The following AOPEP variants were observed in gnomAD, a reference collection of about 807,000 sequenced individuals.
The protein encoded by AOPEP is aminopeptidase O.
In AOPEP, 77 loss-of-function variants were observed where a neutral mutation model predicts 98.1. That is an observed-to-expected ratio of 0.78 (90% CI 0.65 to 0.95). The LOEUF (loss-of-function observed/expected upper bound fraction) is 0.95, where lower values mean the gene tolerates loss of function less well. AOPEP is among the 40% of genes least tolerant of loss of function. The pLI is 0.00. For missense variants in AOPEP, 1,024 were observed against 1,024.7 expected (o/e 1.00, Z 0.01); for synonymous variants, 346 against 365.3 (o/e 0.95, Z 0.60).
chr9:94,757,274 G>A (rs149321225), intron 1 of AOPEP, among the ~76,000 whole-genome samples: 16 of 152,342 alleles, frequency 1.1e-4, no homozygotes, highest in African/African-American at 3.8e-4. Context: ...GAATGAGTCA[G>A]CAAGCTTGGA....
At chr9:94,818,798 T>C (rs532892624) in intron 5 of AOPEP, among the ~76,000 whole-genome samples, 223 of 152,184 alleles carry the variant, frequency 1.5e-3, no homozygotes, top group African/African-American at 4.7e-3. Context: ...ATCGAGACCA[T>C]CCTGGCTAAC....
the AOPEP span, among the ~76,000 whole-genome samples, chr9:95,105,732 A>G: frequency 4.6e-5 from 7 of 152,148 alleles, no homozygotes; most frequent in Non-Finnish European, 8.8e-5. Context: ...TGACTCATAC[A>G]ACATCCTCGT....
At chr9:94,993,515 A>G (rs564564111) in intron 11 of AOPEP, among the ~76,000 whole-genome samples, 36 of 152,240 alleles carry the variant, frequency 2.4e-4, no homozygotes, top group Non-Finnish European at 4.8e-4. Flanking sequence ...ACGTTGCAGT[A>G]TTTCTTATAT....
At chr9:94,819,506 A>C (rs567026600) in intron 5 of AOPEP, among the ~76,000 whole-genome samples, 1 of 152,272 alleles carries the variant, frequency 6.6e-6, no homozygotes, top group East Asian at 1.9e-4. Context: ...GTAAATAGTA[A>C]CTGTGTGTCT....
chr9:95,041,380 TGTG>T lies in AOPEP; in HGVS notation c.2116-19311_2116-19309del, dbSNP rs199581796. On this transcript the variant is annotated intron_variant, in intron 13 of 16. Transcript: ENST00000375315. ...AGATTTAAAAAAAAAAAATCATCCT[TGTG>T]GTAATTTGAAATTGTGATATTGCCA... is the stretch of plus-strand genomic sequence containing the variant. 3.5e-3 allele frequency among the ~76,000 whole-genome samples: 533 copies of T among 151,702 alleles called. 15 individuals carry two copies. In the East Asian group the frequency reaches 0.051, roughly 14 times the overall value.
chr9:95,004,342 T>A, intron 11 of AOPEP: 2 of 455,002 alleles, frequency 4.4e-6, no homozygotes, highest in South Asian at 3.1e-5. Flanking sequence ...TCTTTTTAAA[T>A]TCTACCCAGT....
chr9:94,747,254 A>G (rs1834716821), intron 1 of AOPEP, among the ~76,000 whole-genome samples: 1 of 152,210 alleles, frequency 6.6e-6, no homozygotes. Flanking sequence ...ACATGTGGTA[A>G]TCCTGCAAAG....
At chr9:94,796,275 T>A (rs1588257529) in intron 4 of AOPEP, among the ~76,000 whole-genome samples, 1 of 152,350 alleles carries the variant, frequency 6.6e-6, no homozygotes, top group Non-Finnish European at 1.5e-5. Context: ...TTTCCCTTCC[T>A]TTATCAATAT....
intron 5 of AOPEP, among the ~76,000 whole-genome samples, chr9:94,806,189 C>A (rs967771342): frequency 6.6e-6 from 1 of 152,186 alleles, no homozygotes; most frequent in Non-Finnish European, 1.5e-5. Context: ...TTTGAATTCA[C>A]CATGGCTGCC....
chr9:95,102,578 G>T, the AOPEP span, among the ~76,000 whole-genome samples: 1 of 152,352 alleles, frequency 6.6e-6, no homozygotes, highest in South Asian at 2.1e-4. Flanking sequence ...GTGTGTGTCA[G>T]TTTATACAGA....
intron 11 of AOPEP, among the ~76,000 whole-genome samples, chr9:94,985,294 C>T (rs542870015): frequency 2.7e-4 from 41 of 152,350 alleles, no homozygotes; most frequent in African/African-American, 8.9e-4. Flanking sequence ...CACTTCTTTC[C>T]GAGCAAACAC....
intron 16 of AOPEP, chr9:95,085,624 C>T (rs889038066): frequency 4.9e-5 from 19 of 386,998 alleles, no homozygotes; most frequent in African/African-American, 3.4e-4. Flanking sequence ...AGCTTGGGTG[C>T]GGAGCGCGAT....
rs1482895765 is a variant in AOPEP, at chr9:95,033,208, C to T, written c.2116-27486C>T. 2.5e-4 allele frequency among the ~76,000 whole-genome samples: 38 copies of T among 152,102 alleles called. 1 individual carries two copies. The highest frequency in any genetic ancestry group is 1.5e-5 in the Non-Finnish European group (1 of 68,030). On this transcript the variant is annotated intron_variant, in intron 13 of 16. Transcript: ENST00000375315. ...ATATAAGTCCGCTGTGTCCTCATTT[C>T]ACCTCTTCTTTTGTTCTACGCCTTT...
At chr9:94,727,624 C>G (rs1344663209) in intron 1 of AOPEP, among the ~76,000 whole-genome samples, 1 of 152,208 alleles carries the variant, frequency 6.6e-6, no homozygotes, top group Non-Finnish European at 1.5e-5. Context: ...AAGCAGAATT[C>G]TGAAATCCTT....
chr9:94,905,080 TA>T (rs1428007370), intron 5 of AOPEP, among the ~76,000 whole-genome samples: 1 of 152,222 alleles, frequency 6.6e-6, no homozygotes, highest in Non-Finnish European at 1.5e-5. Flanking sequence ...TGAGAATTGA[TA>T]AAAGCATCTT....
At chr9:94,802,671 C>T (rs907120066) in intron 5 of AOPEP, among the ~76,000 whole-genome samples, 4 of 152,176 alleles carry the variant, frequency 2.6e-5, no homozygotes, top group African/African-American at 9.7e-5. Context: ...AACTTAGCAA[C>T]AACAAGACTG....
chr9:94,787,063 A>G (rs1156496035), intron 3 of AOPEP, among the ~76,000 whole-genome samples: 1 of 152,230 alleles, frequency 6.6e-6, no homozygotes, highest in Admixed American at 6.5e-5. Context: ...AATTTGTGTG[A>G]TATTTAAAAA....
intron 3 of AOPEP, among the ~76,000 whole-genome samples, chr9:94,774,192 G>A (rs557047544): frequency 1.3e-5 from 2 of 151,434 alleles, no homozygotes; most frequent in African/African-American, 2.4e-5. Flanking sequence ...GTTGCCTGTC[G>A]TCCCAGCTAC....
the AOPEP span, chr9:95,125,314 T>C: frequency 1.4e-6 from 1 of 736,540 alleles, no homozygotes; most frequent in African/African-American, 1.7e-5. Context: ...TCTCAACTCA[T>C]CAGATTTCAG....
Sources: gnomAD v4.1 joint callset for allele counts (sites outside exome capture counted in the v4.1 genomes callset) on GRCh38, gnomAD v4.1.1 for gene constraint, MANE v1.5 for transcripts, NCBI Gene and HGNC (gene_info 2026-07-23, HGNC 2026-07-21) for gene names.